MBNL1: variants seen among roughly 807,000 people sequenced by gnomAD.
The protein encoded by MBNL1 is muscleblind-like protein 1.
In MBNL1, 8 loss-of-function variants were observed where a neutral mutation model predicts 42.2. That is an observed-to-expected ratio of 0.19 (90% CI 0.11 to 0.34). MBNL1 has a LOEUF of 0.34. Among genes scored for constraint, MBNL1 ranks in the 10% least tolerant of loss-of-function variants. The pLI is 1.00. For missense variants in MBNL1, 309 were observed against 495.3 expected (o/e 0.62, Z 3.57); for synonymous variants, 169 against 173.9 (o/e 0.97, Z 0.22).
intron 2 of MBNL1, among the ~76,000 whole-genome samples, chr3:152,352,947 T>A (rs2095193146): frequency 6.6e-6 from 1 of 152,228 alleles, no homozygotes; most frequent in African/African-American, 2.4e-5. Flanking sequence ...TTGGATTATG[T>A]AGTACGTTAT....
In MBNL1 at chr3:152,373,555, TG is replaced by T. The variant is rs1281654958; in HGVS notation, c.175-41381del. Among the ~76,000 whole-genome samples the T allele has an allele frequency of 2.0e-5, 3 of 152,064 alleles. No individual in the cohort carries two copies. In the East Asian group the frequency reaches 5.8e-4, roughly 29 times the overall value. On this transcript the variant is annotated intron_variant, in intron 2 of 9. Coordinates refer to ENST00000324210, the MANE Select transcript of MBNL1 (RefSeq NM_021038.5). ...ACAGTCCCTCATGGCTTCCCTTTGG[TG>T]GGGGAGGTTGTTTTCTCACCCCTTG...
intron 3 of MBNL1, among the ~76,000 whole-genome samples, chr3:152,418,152 G>A (rs958296099): frequency 6.6e-6 from 1 of 152,158 alleles, no homozygotes; most frequent in African/African-American, 2.4e-5. Context: ...GGCACTTTTT[G>A]TATATTAAAT....
chr3:152,459,416 A>T, intron 9 of MBNL1, 71 bp downstream of exon 9: 2 of 801,312 alleles, frequency 2.5e-6, no homozygotes, highest in Non-Finnish European at 3.7e-6. Context: ...TGTATAGTGC[A>T]CTTAAAATTT....
At position 152,465,721 on chromosome 3, in the gene MBNL1, A is replaced by T. The variant is rs892032033; in HGVS notation, c.*3355A>T. The stretch of plus-strand genomic sequence containing the variant: ...TATTTTATTATTACTGCAGTAGTTG[A>T]CTTTGCTGTATGGAAAAATAAAGTG... On this transcript the variant is annotated 3_prime_UTR_variant, in exon 10 of 10. Transcript: ENST00000324210. The T allele has an allele frequency of 1.3e-5, 2 of 152,480 alleles. No individual in the cohort carries two copies. The highest frequency in any genetic ancestry group is 4.8e-5 in the African/African-American group (2 of 41,438). The allele number at this position is 152,480 out of a possible 1,614,324, so 9.4% of individuals were successfully genotyped here. A position where few individuals can be genotyped will look rare whatever the true frequency, so the allele number is the denominator to read the frequency against.
chr3:152,404,500 A>G (rs2098363943), intron 2 of MBNL1, among the ~76,000 whole-genome samples: 1 of 152,094 alleles, frequency 6.6e-6, no homozygotes. Context: ...TACAAATACA[A>G]CAAATGCCTC....
intron 2 of MBNL1, among the ~76,000 whole-genome samples, chr3:152,362,338 T>C (rs769911344): frequency 5.3e-5 from 8 of 152,136 alleles, no homozygotes; most frequent in East Asian, 3.9e-4. Context: ...ACAGCACTAG[T>C]AGGGGTGGTT....
At chr3:152,342,716 T>C (rs2152861926) in intron 2 of MBNL1, among the ~76,000 whole-genome samples, 1 of 152,262 alleles carries the variant, frequency 6.6e-6, no homozygotes, top group Admixed American at 6.5e-5. Flanking sequence ...AAGGGATAAG[T>C]AGCATAGTTT....
At chr3:152,364,993 G>A (rs562584218) in intron 2 of MBNL1, among the ~76,000 whole-genome samples, 5 of 152,098 alleles carry the variant, frequency 3.3e-5, no homozygotes, top group Non-Finnish European at 5.9e-5. Context: ...CTATCTCACC[G>A]AGTTGTCTTT....
chr3:152,362,968 A>G (rs182741141), intron 2 of MBNL1, among the ~76,000 whole-genome samples: 162 of 152,320 alleles, frequency 1.1e-3, no homozygotes, highest in African/African-American at 3.3e-3. Context: ...TGGCTAAATT[A>G]ATGTGTGTGT....
chr3:152,439,466 G>T (rs892157334), intron 4 of MBNL1, among the ~76,000 whole-genome samples: 8 of 152,160 alleles, frequency 5.3e-5, no homozygotes, highest in Non-Finnish European at 1.0e-4. Context: ...TGTAGAGGAT[G>T]TTTGGCTACT....
rs77312287 is a variant in MBNL1 at position 152,379,015 on chromosome 3, C to G, written c.175-35926C>G. ...ACAGGTATGAGCCACCATGCCTGGC[C>G]TGAAGTTTAAAATGTATGTTTGTAG... On this transcript the variant is annotated intron_variant, in intron 2 of 9. Coordinates refer to ENST00000324210, the MANE Select transcript of MBNL1 (RefSeq NM_021038.5). 7.5e-3 allele frequency among the ~76,000 whole-genome samples: 1,143 copies of G among 152,182 alleles called. 13 individuals carry two copies. Among genetic ancestry groups the G allele is most frequent in the African/African-American group, 0.025 (1,034 of 41,524 alleles).
intron 6 of MBNL1, among the ~76,000 whole-genome samples, chr3:152,448,653 G>GAT (rs1179293115): frequency 1.3e-5 from 2 of 151,856 alleles, no homozygotes; most frequent in Non-Finnish European, 2.9e-5. Context: ...TTAATGAGTA[G>GAT]ATATATATGT....
chr3:152,320,370 G>T (rs777258658), intron 2 of MBNL1, among the ~76,000 whole-genome samples: 1 of 152,124 alleles, frequency 6.6e-6, no homozygotes, highest in East Asian at 1.9e-4. Context: ...TTCTGTTGAT[G>T]TAAATTTCTA....
intron 2 of MBNL1, among the ~76,000 whole-genome samples, chr3:152,400,444 G>A (rs1372561025): frequency 6.6e-6 from 1 of 152,156 alleles, no homozygotes; most frequent in Non-Finnish European, 1.5e-5. Context: ...AAACTAAATT[G>A]TATAGAATCT....
At chr3:152,422,492 A>G (rs1046740743) in intron 3 of MBNL1, among the ~76,000 whole-genome samples, 2 of 152,158 alleles carry the variant, frequency 1.3e-5, no homozygotes, top group Non-Finnish European at 2.9e-5. Flanking sequence ...CTCCCACACA[A>G]TAATAATGGG....
intron 2 of MBNL1, among the ~76,000 whole-genome samples, chr3:152,351,118 T>C (rs2094926733): frequency 6.6e-6 from 1 of 152,058 alleles, no homozygotes; most frequent in Non-Finnish European, 1.5e-5. Context: ...AGTTACTGCA[T>C]AACAAAACAT....
intron 2 of MBNL1, among the ~76,000 whole-genome samples, chr3:152,307,327 CTG>C (rs1303958954): frequency 5.9e-5 from 9 of 152,152 alleles, no homozygotes; most frequent in Admixed American, 2.0e-4. Flanking sequence ...ATTTTTATAA[CTG>C]GAATATAGCA....
In MBNL1 at chr3:152,465,607, G is replaced by T. The variant is rs915218306; in HGVS notation, c.*3241G>T. On this transcript the variant is annotated 3_prime_UTR_variant, in exon 10 of 10. Transcript: ENST00000324210. The stretch of plus-strand genomic sequence containing the variant: ...TCTGCTGAAAGGACAAATGTGCTTG[G>T]TTTTACTATTATGTAATCACAACTT... 1 of 152,488 alleles carries T rather than the reference G, an allele frequency of 6.6e-6. No homozygotes were observed. Among genetic ancestry groups the T allele is most frequent in the Admixed American group, 6.5e-5 (1 of 15,270 alleles). 9.4% of individuals were successfully genotyped at this position (152,488 alleles called of 1,614,324 possible).
chr3:152,370,815 G>A (rs1039451030), intron 2 of MBNL1, among the ~76,000 whole-genome samples: 16 of 151,050 alleles, frequency 1.1e-4, no homozygotes, highest in African/African-American at 3.4e-4. Context: ...GGCTAGGATT[G>A]CAGGATTGCA....
Sources: gnomAD v4.1 joint callset for allele counts (sites outside exome capture counted in the v4.1 genomes callset) on GRCh38, gnomAD v4.1.1 for gene constraint, MANE v1.5 for transcripts, NCBI Gene and HGNC (gene_info 2026-07-23, HGNC 2026-07-21) for gene names.